NCOR2: variants seen among roughly 807,000 people sequenced by gnomAD.
NCOR2 encodes the protein CTG repeat protein 26.
NCOR2 carries 81 observed loss-of-function variants against 262.9 expected under a neutral mutation model. The ratio of observed to expected loss-of-function variants is 0.31; its 90% CI spans 0.26 to 0.37. The LOEUF (loss-of-function observed/expected upper bound fraction) is 0.37, where lower values mean the gene tolerates loss of function less well. Among genes scored for constraint, NCOR2 ranks in the 10% least tolerant of loss-of-function variants. The pLI, the probability that NCOR2 is intolerant of heterozygous loss-of-function variation, is 1.00. For missense variants in NCOR2, 3,385 were observed against 3,621.4 expected, an observed-to-expected ratio of 0.93 and a Z score of 1.68; for synonymous variants, 1,659 against 1,559.3, an observed-to-expected ratio of 1.06 and a Z score of -1.51.
rs371181038 is a variant in NCOR2 at position 124,372,011 on chromosome 12, C to A, written c.2807+11G>T. On this transcript the variant is annotated intron_variant, in intron 20 of 46. Transcript: ENST00000405201. ...AAAAGCCAAGGTTAGGGCTGCCTGG[C>A]GCCCACTCACCGGTTCTTGTCGCCG... The A allele has an allele frequency of 1.3e-6, 2 of 1,574,282 alleles. No individual in the cohort carries two copies. The highest frequency in any genetic ancestry group is 1.1e-5 in the South Asian group (1 of 87,126).
At position 124,566,473 on chromosome 12, in the gene NCOR2, C is replaced by A. The variant is rs1262909560; in HGVS notation, c.-165+835G>T. ...TCCCGCCCTCGGCTTGCTCCTCCTG[C>A]AAGTGTCTGGGGCGGGGAGGGCGTA... is the stretch of plus-strand genomic sequence containing the variant. On this transcript the variant is annotated intron_variant, in intron 1 of 32. Transcript: ENST00000458234. This position sits in a 1 kb window ranked among gnomAD's most constrained non-coding sequence, Gnocchi z 4.3. Among the ~76,000 whole-genome samples, 3 of 152,222 alleles carry A rather than the reference C, an allele frequency of 2.0e-5. No individual in the cohort carries two copies. Among genetic ancestry groups the A allele is most frequent in the Non-Finnish European group, 2.9e-5 (2 of 68,034 alleles).
At chr12:124,429,633 C>G (rs1236424415) in exon 10 of NCOR2, 1 of 1,607,844 alleles carries the variant, frequency 6.2e-7, no homozygotes, top group South Asian at 1.1e-5. Context: ...GAGAGGCCAT[C>G]GATGATCTCT....
rs370426806 is a variant in NCOR2, at chr12:124,335,255, G to A, written c.6291C>T (p.Ala2097=). ...GCGGCCGCAGGTGTGGGAGGTGGGC[G>A]GCCTCCCCGCCAAGCTTCACGGGGC... Residue 2097 remains alanine (A), a synonymous_variant, in exon 40 of 47, where the codon GCC becomes GCT. Coordinates refer to ENST00000405201, the Ensembl canonical transcript of NCOR2. 175 of 1,605,866 alleles carry A rather than the reference G, an allele frequency of 1.1e-4. No individual in the cohort carries two copies. In the South Asian group the frequency reaches 1.6e-3, roughly 15 times the overall value.
At chr12:124,385,789 T>C in exon 17 of NCOR2, 1 of 1,614,072 alleles carries the variant, frequency 6.2e-7, no homozygotes, top group Non-Finnish European at 8.5e-7. Context: ...AGGTTCTGCC[T>C]CTTCTTGTAG....
intron 14 of NCOR2, among the ~76,000 whole-genome samples, chr12:124,401,153 G>C (rs1007829228): frequency 6.6e-6 from 1 of 151,678 alleles, no homozygotes; most frequent in Non-Finnish European, 1.5e-5. Flanking sequence ...CGAGGCTGCA[G>C]TGAGCCATGA....
At chr12:124,421,513 C>T (rs1014978747) in intron 12 of NCOR2, among the ~76,000 whole-genome samples, 3 of 152,236 alleles carry the variant, frequency 2.0e-5, no homozygotes, top group African/African-American at 7.2e-5. Context: ...TTTCCCCACT[C>T]TGCTCGGTCT....
At chr12:124,361,086 C>T (rs75787667) in intron 22 of NCOR2, among the ~76,000 whole-genome samples, 17,698 of 146,274 alleles carry the variant, frequency 0.12, 1,225 homozygotes, top group Non-Finnish European at 0.14. Context: ...TGTGCCACTG[C>T]ACTCCAACCT....
intron 16 of NCOR2, among the ~76,000 whole-genome samples, 167 bp from the exon 19 acceptor site, chr12:124,386,054 C>T (rs1053168253): frequency 1.3e-5 from 2 of 152,154 alleles, no homozygotes; most frequent in African/African-American, 2.4e-5. Flanking sequence ...CCACGTGTCC[C>T]CTAGCGGGGA....
upstream of NCOR2, among the ~76,000 whole-genome samples, chr12:124,540,056 T>C (rs1403421675): frequency 6.6e-6 from 1 of 151,934 alleles, no homozygotes; most frequent in Non-Finnish European, 1.5e-5. Context: ...ACCTGCCAGG[T>C]ACAGGGGCAT....
intron 1 of NCOR2, among the ~76,000 whole-genome samples, chr12:124,543,272 G>T (rs560389630): frequency 6.6e-6 from 1 of 152,356 alleles, no homozygotes; most frequent in South Asian, 2.1e-4. Context: ...AGGGCCACCT[G>T]TCTGCTCCCA....
chr12:124,542,237 T>C (rs567614384), intron 1 of NCOR2, among the ~76,000 whole-genome samples: 18 of 152,114 alleles, frequency 1.2e-4, no homozygotes, highest in South Asian at 6.2e-4. Context: ...GGGCGGGCCA[T>C]TGCCTCGGGG....
intron 13 of NCOR2, among the ~76,000 whole-genome samples, chr12:124,408,946 C>T (rs1334639444): frequency 1.3e-5 from 2 of 152,166 alleles, no homozygotes; most frequent in Non-Finnish European, 2.9e-5. Context: ...AGTTCCAAGT[C>T]AGCGGCAGCA....
intron 23 of NCOR2, among the ~76,000 whole-genome samples, chr12:124,356,055 G>C (rs778483126): frequency 7.2e-5 from 11 of 152,226 alleles, no homozygotes; most frequent in Non-Finnish European, 1.2e-4. Flanking sequence ...CTTCGGCAGT[G>C]GTGGCCAGAT....
intron 1 of NCOR2, among the ~76,000 whole-genome samples, chr12:124,563,378 G>T (rs943106017): frequency 2.0e-5 from 3 of 152,216 alleles, no homozygotes; most frequent in Admixed American, 2.0e-4. Context: ...GCCTCACTCT[G>T]CTCCAAAATA....
In NCOR2 at chr12:124,545,199, A is replaced by T. The variant is rs564582423; in HGVS notation, c.-164-9588T>A. Among the ~76,000 whole-genome samples, 29 of 152,090 alleles carry T rather than the reference A, an allele frequency of 1.9e-4. No homozygotes were observed. In the East Asian group the frequency reaches 5.2e-3, roughly 27 times the overall value. ...CCTCGAACACCCAGAAGCGGGGCCC[A>T]GGGGGAGGGAGCAGAGTCTCGGAGG... On this transcript the variant is annotated intron_variant, in intron 1 of 32. Coordinates refer to the NCOR2 transcript ENST00000458234.
chr12:124,350,528 T>C lies in NCOR2; in HGVS notation c.3844+59A>G, dbSNP rs369036086. 37 of 1,568,968 alleles carry C rather than the reference T, an allele frequency of 2.4e-5. No individual in the cohort carries two copies. In the African/African-American group the frequency reaches 2.8e-4, roughly 12 times the overall value. On this transcript the variant is annotated intron_variant, in intron 28 of 46. Coordinates refer to ENST00000405201, the Ensembl canonical transcript of NCOR2. ...AGCCCTGCCTCCCTGTGAAGCTACC[T>C]CAGTGGGCCAAGCACACTCCTCCCC...
chr12:124,444,442 T>C (rs745401410), intron 7 of NCOR2, among the ~76,000 whole-genome samples: 10 of 152,312 alleles, frequency 6.6e-5, no homozygotes, highest in East Asian at 5.8e-4. Context: ...GGGAGTCCGG[T>C]TGGACCCTAG....
intron 1 of NCOR2, among the ~76,000 whole-genome samples, chr12:124,493,836 T>C (rs917172042): frequency 3.3e-5 from 5 of 152,156 alleles, no homozygotes. Flanking sequence ...CACAGAAGCT[T>C]GGAGCCCCGA....
At chr12:124,407,670 A>C (rs575466658) in intron 13 of NCOR2, among the ~76,000 whole-genome samples, 20 of 152,250 alleles carry the variant, frequency 1.3e-4, no homozygotes, top group Non-Finnish European at 2.5e-4. Context: ...GTAGGGGTTG[A>C]TGAGATTTAA....
Sources: gnomAD v4.1 joint callset for allele counts (sites outside exome capture counted in the v4.1 genomes callset) on GRCh38, gnomAD v4.1.1 for gene constraint, Gnocchi (gnomAD v3.1) non-coding constraint, MANE v1.5 for transcripts, NCBI Gene and HGNC (gene_info 2026-07-23, HGNC 2026-07-21) for gene names.